FANCC: variants seen among roughly 807,000 people sequenced by gnomAD.
FANCC encodes the protein Fanconi anemia group C protein.
A neutral mutation model predicts 71.3 loss-of-function variants in FANCC; 55 were observed. The observed-to-expected ratio is 0.77, with a 90% CI of 0.62 to 0.97. The LOEUF (loss-of-function observed/expected upper bound fraction) is 0.97, where lower values mean the gene tolerates loss of function less well. FANCC is among the 50% of genes least tolerant of loss of function. The pLI is 0.00. For missense variants in FANCC, 678 were observed against 670.9 expected, an observed-to-expected ratio of 1.01 and a Z score of -0.12; for synonymous variants, 275 against 244.9, an observed-to-expected ratio of 1.12 and a Z score of -1.15.
chr9:95,123,563 C>T (rs943710301), intron 10 of FANCC: 6 of 553,526 alleles, frequency 1.1e-5, no homozygotes, highest in Non-Finnish European at 1.8e-5. Flanking sequence ...CAAAAAGGGC[C>T]GCGGCCACGT....
At chr9:95,196,867 GCTTAATCGTCTC>G (rs2135777490) in intron 4 of FANCC, among the ~76,000 whole-genome samples, 1 of 152,276 alleles carries the variant, frequency 6.6e-6, no homozygotes, top group Admixed American at 6.5e-5. Context: ...GCACCTTGCT[GCTTAATCGTCTC>G]CTTTGTAACT....
At chr9:95,220,453 G>C (rs1173199739) in intron 4 of FANCC, among the ~76,000 whole-genome samples, 1 of 152,172 alleles carries the variant, frequency 6.6e-6, no homozygotes, top group Non-Finnish European at 1.5e-5. Flanking sequence ...CAATAGCAAA[G>C]ACTTGGAACC....
intron 4 of FANCC, among the ~76,000 whole-genome samples, chr9:95,210,530 A>G (rs906113468): frequency 6.6e-6 from 1 of 152,194 alleles, no homozygotes; most frequent in Non-Finnish European, 1.5e-5. Context: ...ACACACACAC[A>G]TACACATACA....
At chr9:95,266,425 G>A (rs954416988) in intron 1 of FANCC, among the ~76,000 whole-genome samples, 10 of 152,162 alleles carry the variant, frequency 6.6e-5, no homozygotes, top group Non-Finnish European at 1.3e-4. Context: ...CACATGCAGG[G>A]AGACAGCTTA....
At chr9:95,292,938 A>G in intron 1 of FANCC, 6 of 1,580,394 alleles carry the variant, frequency 3.8e-6, no homozygotes, top group Non-Finnish European at 5.2e-6. Context: ...CTACGCCAGT[A>G]GAAAAGCATT....
chr9:95,141,849 C>G (rs1453893628), intron 7 of FANCC, among the ~76,000 whole-genome samples: 1 of 152,110 alleles, frequency 6.6e-6, no homozygotes, highest in Non-Finnish European at 1.5e-5. Flanking sequence ...GGGAATTAAG[C>G]TTACATCTGG....
intron 4 of FANCC, among the ~76,000 whole-genome samples, chr9:95,178,921 G>A (rs933480581): frequency 6.6e-6 from 1 of 152,194 alleles, no homozygotes; most frequent in African/African-American, 2.4e-5. Flanking sequence ...GGTGTAAAGA[G>A]GGGTCTGTCA....
chr9:95,115,010 G>A (rs894677152), intron 11 of FANCC, among the ~76,000 whole-genome samples: 1 of 152,162 alleles, frequency 6.6e-6, no homozygotes. Flanking sequence ...GTACGATCCT[G>A]GTTCACTGCA....
chr9:95,268,982 C>T (rs975631268), intron 1 of FANCC, among the ~76,000 whole-genome samples: 27 of 152,090 alleles, frequency 1.8e-4, no homozygotes, highest in African/African-American at 6.3e-4. Context: ...ACAATTTAGT[C>T]CATTTATTGA....
intron 8 of FANCC, among the ~76,000 whole-genome samples, chr9:95,131,838 G>A (rs1826957258): frequency 6.6e-6 from 1 of 152,182 alleles, no homozygotes; most frequent in Non-Finnish European, 1.5e-5. Flanking sequence ...CATACTGGGA[G>A]TCTGTGTAAA....
chr9:95,233,399 T>C (rs1460670194), intron 4 of FANCC, among the ~76,000 whole-genome samples: 2 of 152,218 alleles, frequency 1.3e-5, no homozygotes, highest in Non-Finnish European at 2.9e-5. Flanking sequence ...CTAATCATCT[T>C]ATTTTCCCTT....
chr9:95,265,174 G>C (rs1186154621), intron 1 of FANCC, among the ~76,000 whole-genome samples: 4 of 152,120 alleles, frequency 2.6e-5, no homozygotes, highest in Non-Finnish European at 5.9e-5. Flanking sequence ...ACACAGACCT[G>C]AAATTTGCAG....
At chr9:95,298,982 TA>T (rs1369072466) in intron 1 of FANCC, among the ~76,000 whole-genome samples, 1 of 152,236 alleles carries the variant, frequency 6.6e-6, no homozygotes, top group Non-Finnish European at 1.5e-5. Context: ...TTGCAGGCTT[TA>T]AAAATACTAC....
At chr9:95,148,646 A>G (rs2135411032) in intron 7 of FANCC, among the ~76,000 whole-genome samples, 1 of 152,340 alleles carries the variant, frequency 6.6e-6, no homozygotes, top group South Asian at 2.1e-4. Flanking sequence ...AAATATGTCA[A>G]TGTTTGGAAG....
intron 6 of FANCC, among the ~76,000 whole-genome samples, chr9:95,164,663 T>A (rs1830958612): frequency 6.6e-6 from 1 of 152,208 alleles, no homozygotes; most frequent in African/African-American, 2.4e-5. Flanking sequence ...GTCATGGTGT[T>A]TATACATATC....
chr9:95,141,178 G>A (rs1828606155), intron 7 of FANCC, among the ~76,000 whole-genome samples: 1 of 151,772 alleles, frequency 6.6e-6, no homozygotes, highest in Non-Finnish European at 1.5e-5. Flanking sequence ...AAGGCATGGT[G>A]GCACATGCCT....
chr9:95,172,840 G>A (rs981612327), intron 4 of FANCC, among the ~76,000 whole-genome samples: 7 of 152,164 alleles, frequency 4.6e-5, no homozygotes, highest in African/African-American at 9.7e-5. Flanking sequence ...AAAGAACTCT[G>A]AGAACTGAAA....
At chr9:95,175,073 A>G (rs886890544) in intron 4 of FANCC, among the ~76,000 whole-genome samples, 8 of 151,844 alleles carry the variant, frequency 5.3e-5, no homozygotes, top group African/African-American at 1.9e-4. Flanking sequence ...GGGAAACTCT[A>G]CCCTGAATCT....
intron 3 of FANCC, among the ~76,000 whole-genome samples, chr9:95,241,361 CTT>C (rs1830616616): frequency 6.6e-6 from 1 of 152,176 alleles, no homozygotes. Context: ...AAATGTAAAT[CTT>C]TATAAAACTT....
Sources: gnomAD v4.1 joint callset for allele counts (sites outside exome capture counted in the v4.1 genomes callset) on GRCh38, gnomAD v4.1.1 for gene constraint, MANE v1.5 for transcripts, NCBI Gene and HGNC (gene_info 2026-07-23, HGNC 2026-07-21) for gene names.